The following DGKB variants were observed in gnomAD, a reference collection of about 807,000 sequenced individuals.
DGKB encodes the protein 90 kDa diacylglycerol kinase.
A neutral mutation model predicts 114.3 loss-of-function variants in DGKB; 67 were observed. The observed-to-expected ratio is 0.59, with a 90% CI of 0.48 to 0.72. The LOEUF (loss-of-function observed/expected upper bound fraction) is 0.72, where lower values mean the gene tolerates loss of function less well. Ranked by LOEUF, DGKB falls within the 30% of genes least tolerant of loss-of-function variation. The pLI is 0.00. For missense variants in DGKB, 907 were observed against 975.2 expected (o/e 0.93, Z 0.93); for synonymous variants, 398 against 323.1 (o/e 1.23, Z -2.49).
chr7:14,689,745 A>T (rs1264813596), intron 9 of DGKB, among the ~76,000 whole-genome samples: 3 of 152,364 alleles, frequency 2.0e-5, no homozygotes, highest in Non-Finnish European at 2.9e-5. Flanking sequence ...AAGTATAGAC[A>T]GCAGAACAAA....
chr7:14,276,237 A>C (rs11975701), intron 23 of DGKB, among the ~76,000 whole-genome samples: 7,684 of 152,258 alleles, frequency 0.05, 618 homozygotes, highest in African/African-American at 0.17. Flanking sequence ...AAAAAAGGCA[A>C]GTAAATCTAT....
At chr7:14,151,756 G>A (rs1048089750) in intron 25 of DGKB, among the ~76,000 whole-genome samples, 2 of 152,004 alleles carry the variant, frequency 1.3e-5, no homozygotes, top group Non-Finnish European at 2.9e-5. Flanking sequence ...TTATGGAAAC[G>A]AGAACCAATT....
At chr7:14,649,628 C>G (rs1211144255) in intron 13 of DGKB, among the ~76,000 whole-genome samples, 3 of 150,968 alleles carry the variant, frequency 2.0e-5, no homozygotes, top group South Asian at 2.1e-4. Context: ...ATGACAGGAT[C>G]AAATTCACAC....
intron 19 of DGKB, among the ~76,000 whole-genome samples, chr7:14,580,063 A>G (rs906060461): frequency 6.6e-6 from 1 of 152,196 alleles, no homozygotes; most frequent in Admixed American, 6.5e-5. Flanking sequence ...GTGACTCTGC[A>G]AAATGTTTTA....
chr7:14,222,424 A>C (rs890926756), intron 23 of DGKB, among the ~76,000 whole-genome samples: 1 of 150,560 alleles, frequency 6.6e-6, no homozygotes, highest in Non-Finnish European at 1.5e-5. Flanking sequence ...ATGTTTTTGA[A>C]TTTTCAATGT....
intron 21 of DGKB, among the ~76,000 whole-genome samples, chr7:14,359,756 C>T (rs897984141): frequency 6.6e-6 from 1 of 152,012 alleles, no homozygotes; most frequent in African/African-American, 2.4e-5. Context: ...AAATCAAAAC[C>T]ACAATGAGAT....
At chr7:14,492,160 T>C (rs1051111409) in intron 20 of DGKB, among the ~76,000 whole-genome samples, 2 of 152,048 alleles carry the variant, frequency 1.3e-5, no homozygotes, top group African/African-American at 2.4e-5. Context: ...ATAAAACCTA[T>C]AAGGGGAAAT....
chr7:14,442,750 T>C (rs1351826465), intron 21 of DGKB, among the ~76,000 whole-genome samples: 1 of 152,166 alleles, frequency 6.6e-6, no homozygotes, highest in African/African-American at 2.4e-5. Context: ...CATGCTATGG[T>C]GCCCAGGCTG....
At position 14,836,708 on chromosome 7, in the gene DGKB, C is replaced by A. The variant is rs1847216505; in HGVS notation, c.70+4486G>T. Among the ~76,000 whole-genome samples, 3 of 152,164 alleles carry A rather than the reference C, an allele frequency of 2.0e-5. No homozygotes were observed. In the South Asian group the frequency reaches 6.2e-4, roughly 31 times the overall value. ...TCCCACATATCAAGGGAAATGCTTC[C>A]CATGGAGTGACTCAGCCTGAAACCC... On this transcript the variant is annotated intron_variant, in intron 2 of 25. Transcript: ENST00000402815.
At chr7:14,719,058 T>A (rs1828709891) in intron 5 of DGKB, among the ~76,000 whole-genome samples, 1 of 152,174 alleles carries the variant, frequency 6.6e-6, no homozygotes, top group Non-Finnish European at 1.5e-5. Flanking sequence ...TAAAATGGAC[T>A]TTTTCACAAA....
At chr7:14,408,759 TTGAAC>T (rs368631739) in intron 21 of DGKB, among the ~76,000 whole-genome samples, 2 of 152,232 alleles carry the variant, frequency 1.3e-5, no homozygotes, top group African/African-American at 4.8e-5. Context: ...CAACATGAGG[TTGAAC>T]TGCATGGGTC....
intron 9 of DGKB, among the ~76,000 whole-genome samples, chr7:14,688,580 A>G (rs1272611093): frequency 6.6e-6 from 1 of 152,186 alleles, no homozygotes; most frequent in African/African-American, 2.4e-5. Context: ...TTTCATTAAA[A>G]TGTGCTCTTT....
intron 23 of DGKB, among the ~76,000 whole-genome samples, chr7:14,235,684 T>C (rs904748868): frequency 6.6e-6 from 1 of 152,088 alleles, no homozygotes; most frequent in Non-Finnish European, 1.5e-5. Context: ...GTTAAGGGCA[T>C]TGGAAAATGG....
At chr7:14,246,932 T>C (rs1315327112) in intron 23 of DGKB, among the ~76,000 whole-genome samples, 2 of 152,108 alleles carry the variant, frequency 1.3e-5, no homozygotes, top group Non-Finnish European at 2.9e-5. Flanking sequence ...TCAGAATATA[T>C]TCATCCTGCA....
intron 6 of DGKB, among the ~76,000 whole-genome samples, chr7:14,705,204 G>C (rs1212155580): frequency 6.6e-6 from 1 of 152,074 alleles, no homozygotes; most frequent in East Asian, 1.9e-4. Context: ...CGATCAACTG[G>C]AAAAAGGGTG....
intron 1 of DGKB, among the ~76,000 whole-genome samples, chr7:14,927,714 A>G (rs1409089460): frequency 1.3e-5 from 2 of 151,962 alleles, no homozygotes; most frequent in South Asian, 2.1e-4. Context: ...TACAATATCT[A>G]TGTTCATAGA....
chr7:14,332,200 C>G (rs1455503743), intron 23 of DGKB, among the ~76,000 whole-genome samples: 1 of 152,092 alleles, frequency 6.6e-6, no homozygotes, highest in Non-Finnish European at 1.5e-5. Flanking sequence ...CTAATCTGGG[C>G]TTTTCTCATT....
chr7:14,574,361 C>A lies in DGKB; in HGVS notation c.1621G>T (p.Glu541Ter). Residue 541 changes from glutamate to a stop codon, truncating the protein, a stop_gained, in exon 20 of 26, where the codon GAG (glutamate) becomes TAG (stop). Transcript: ENST00000402815. LOFTEE classifies it high-confidence loss of function. Reference protein sequence around the residue: ...CLRWGGGYEGENLMKILKDIE... With the variant: ...CLRWGGGYEG ...TCTTTTAGAATTTTCATCAGATTCT[C>A]ACCTTCGTAACCTAGTGGGAAAAAA... 1 of 1,610,958 alleles carries A rather than the reference C, an allele frequency of 6.2e-7. No homozygotes were observed. Among genetic ancestry groups the A allele is most frequent in the Non-Finnish European group, 8.5e-7 (1 of 1,178,954 alleles).
chr7:14,675,613 C>G (rs1022521707), intron 12 of DGKB, among the ~76,000 whole-genome samples: 4 of 151,382 alleles, frequency 2.6e-5, no homozygotes, highest in African/African-American at 9.7e-5. Context: ...CCAAATAAAT[C>G]TAGTATGGGA....
Sources: allele counts gnomAD v4.1 joint callset (sites outside exome capture counted in the v4.1 genomes callset), GRCh38; gene constraint gnomAD v4.1.1; transcripts MANE v1.5; gene names NCBI Gene and HGNC (gene_info 2026-07-23, HGNC 2026-07-21).